PTPRK: variants seen among roughly 807,000 people sequenced by gnomAD.
PTPRK encodes the protein receptor-type tyrosine-protein phosphatase kappa.
Under a neutral mutation model 178.0 loss-of-function variants are expected in PTPRK, and 75 were observed. That is an observed-to-expected ratio of 0.42 (90% CI 0.35 to 0.51). The LOEUF is 0.51. Ranked by LOEUF, PTPRK falls within the 20% of genes least tolerant of loss-of-function variation. The probability of loss-of-function intolerance (pLI) is 0.02; values close to 1 mark genes in which losing one functional copy is unlikely to be tolerated. For synonymous variants in PTPRK, 637 were observed against 620.6 expected (o/e 1.03, Z -0.39); for missense variants, 1,441 against 1,797.8 (o/e 0.80, Z 3.59).
intron 3 of PTPRK, among the ~76,000 whole-genome samples, chr6:128,296,602 G>C (rs552806674): frequency 1.3e-5 from 2 of 152,226 alleles, no homozygotes; most frequent in East Asian, 3.9e-4. Context: ...TTTCAACCCA[G>C]AATTTCATAT....
chr6:128,106,820 T>C (rs962343959), intron 7 of PTPRK, among the ~76,000 whole-genome samples: 5 of 152,180 alleles, frequency 3.3e-5, no homozygotes, highest in Admixed American at 3.3e-4. Flanking sequence ...CTCAAGCACA[T>C]TTCTAGCACC....
chr6:128,392,998 CTTACA>C (rs561202909), intron 2 of PTPRK, among the ~76,000 whole-genome samples: 24 of 150,962 alleles, frequency 1.6e-4, no homozygotes, highest in Non-Finnish European at 3.5e-4. Context: ...TATTTTAAAA[CTTACA>C]TTACAGAAGT....
intron 18 of PTPRK, 43 bp downstream of exon 18, chr6:127,995,419 A>G (rs1777042295): frequency 1.3e-6 from 2 of 1,486,682 alleles, no homozygotes; most frequent in Non-Finnish European, 1.9e-6. Context: ...GTTCATATAT[A>G]TAAGCCAATA....
chr6:128,105,943 A>G (rs1452131753), intron 7 of PTPRK, among the ~76,000 whole-genome samples: 1 of 152,196 alleles, frequency 6.6e-6, no homozygotes, highest in African/African-American at 2.4e-5. Flanking sequence ...AAGTTTCACA[A>G]GAGTATTTCC....
chr6:128,005,323 G>A, intron 14 of PTPRK, 79 bp from the exon 15 acceptor site: 3 of 1,393,878 alleles, frequency 2.2e-6, no homozygotes, highest in East Asian at 2.3e-5. Context: ...AATAGTCCAG[G>A]TGAGCCCGAG....
rs1251524974 is a variant in PTPRK, at chr6:127,969,610, A to T, written c.*617T>A. 6.6e-6 allele frequency: 1 copy of T among 152,126 alleles called. No individual in the cohort carries two copies. 9.4% of individuals were successfully genotyped at this position (152,126 alleles called of 1,614,324 possible). A position where few individuals can be genotyped will look rare whatever the true frequency, so the allele number is the denominator to read the frequency against. On this transcript the variant is annotated 3_prime_UTR_variant, in exon 30 of 30. Transcript: ENST00000368226. ...AAAAAAGGAATGTAAGTAACCAATA[A>T]ATATAATGTGCTTTCTCCATATAGA...
At chr6:128,184,238 G>C (rs1802398546) in intron 7 of PTPRK, among the ~76,000 whole-genome samples, 194 bp downstream of exon 7, 2 of 152,230 alleles carry the variant, frequency 1.3e-5, no homozygotes, top group Middle Eastern at 3.4e-3. Context: ...CTTGAGAATA[G>C]AGAAGCACTC....
At chr6:128,449,235 G>A (rs1847445922) in intron 1 of PTPRK, among the ~76,000 whole-genome samples, 1 of 152,066 alleles carries the variant, frequency 6.6e-6, no homozygotes, top group African/African-American at 2.4e-5. Flanking sequence ...ACATGCATCT[G>A]GAAAGGGCTT....
chr6:128,482,341 C>A (rs2128424512), intron 1 of PTPRK, among the ~76,000 whole-genome samples: 1 of 152,246 alleles, frequency 6.6e-6, no homozygotes, highest in Admixed American at 6.5e-5. Context: ...TATATTTGTT[C>A]TTAGCCACAA....
At chr6:128,074,690 C>T (rs557826637) in intron 11 of PTPRK, among the ~76,000 whole-genome samples, 20 of 152,066 alleles carry the variant, frequency 1.3e-4, no homozygotes, top group East Asian at 3.9e-4. Context: ...AAATTAATTT[C>T]GTCAAAGAAC....
chr6:128,413,698 T>A (rs758916002), intron 1 of PTPRK, among the ~76,000 whole-genome samples: 8 of 152,204 alleles, frequency 5.3e-5, no homozygotes, highest in Non-Finnish European at 1.2e-4. Flanking sequence ...GAATTGAGAA[T>A]GACTTTAAGA....
chr6:128,115,703 A>T (rs1271713184), intron 7 of PTPRK, among the ~76,000 whole-genome samples: 6 of 152,114 alleles, frequency 3.9e-5, no homozygotes, highest in African/African-American at 1.4e-4. Flanking sequence ...GGATTTCAAA[A>T]AGTAATATAT....
rs577732806 is a variant in PTPRK, at chr6:128,322,426, T to A, written c.224-116A>T. On this transcript the variant is annotated intron_variant, in intron 2 of 29. Transcript: ENST00000368226. ...TAAATTTAAGTTAAAAAGACTGTTT[T>A]CCAGAACACAGCCACAGAAATACAT... 100 of 999,104 alleles carry A rather than the reference T, an allele frequency of 1.0e-4. No homozygotes were observed. In the East Asian group the frequency reaches 2.1e-3, roughly 21 times the overall value. 61.9% of individuals were successfully genotyped at this position (999,104 alleles called of 1,614,324 possible).
At chr6:128,142,713 AG>A (rs1361391594) in intron 7 of PTPRK, among the ~76,000 whole-genome samples, 2 of 151,988 alleles carry the variant, frequency 1.3e-5, no homozygotes, top group Admixed American at 6.6e-5. Context: ...AATACCAGTA[AG>A]TCTTACATTT....
chr6:128,086,476 G>A (rs568078681), intron 8 of PTPRK, among the ~76,000 whole-genome samples: 3 of 152,186 alleles, frequency 2.0e-5, no homozygotes, highest in South Asian at 2.1e-4. Flanking sequence ...GGGTTCTGGC[G>A]GGAAATGGTT....
chr6:128,323,873 G>A (rs72971104), intron 2 of PTPRK, among the ~76,000 whole-genome samples: 9,944 of 151,382 alleles, frequency 0.066, 362 homozygotes, highest in African/African-American at 0.07. Flanking sequence ...TCTCACAGAC[G>A]GCACATTAAT....
At chr6:128,024,433 T>C (rs952365887) in intron 13 of PTPRK, among the ~76,000 whole-genome samples, 2 of 152,252 alleles carry the variant, frequency 1.3e-5, no homozygotes, top group African/African-American at 4.8e-5. Flanking sequence ...ACTGGTTCTC[T>C]ATTACATGTT....
At chr6:128,166,512 G>A (rs1447378793) in intron 7 of PTPRK, among the ~76,000 whole-genome samples, 1 of 151,580 alleles carries the variant, frequency 6.6e-6, no homozygotes, top group Non-Finnish European at 1.5e-5. Flanking sequence ...TCAAATGCTG[G>A]ACAAAGTTTT....
In PTPRK at chr6:128,011,287, G is replaced by C. The variant is rs9491898; in HGVS notation, c.2195-2019C>G. Among the ~76,000 whole-genome samples the C allele has an allele frequency of 5.3e-3, 802 of 151,202 alleles. 7 individuals carry two copies. The highest frequency in any genetic ancestry group is 0.018 in the African/African-American group (752 of 41,416). ...AGACTACTTTCTTCAGGTTCTATGAGACACTTGGCTTTCAGGGGCTAATGA... is the reference window on the plus strand; with the variant it reads ...AGACTACTTTCTTCAGGTTCTATGACACACTTGGCTTTCAGGGGCTAATGA... On this transcript the variant is annotated intron_variant, in intron 13 of 29. Coordinates refer to ENST00000368226, the MANE Select transcript of PTPRK (RefSeq NM_002844.4).
Sources: gnomAD v4.1 joint callset for allele counts (sites outside exome capture counted in the v4.1 genomes callset) on GRCh38, gnomAD v4.1.1 for gene constraint, MANE v1.5 for transcripts, NCBI Gene and HGNC (gene_info 2026-07-23, HGNC 2026-07-21) for gene names.